IL1RAPL2: variants seen among roughly 807,000 people sequenced by gnomAD.
IL1RAPL2 encodes interleukin 1 receptor accessory protein like 2.
A neutral mutation model predicts 44.1 loss-of-function variants in IL1RAPL2; 3 were observed. The observed-to-expected ratio is 0.07, with a 90% CI of 0.03 to 0.18. IL1RAPL2 has a LOEUF of 0.18. Among genes scored for constraint, IL1RAPL2 ranks in the 10% least tolerant of loss-of-function variants. The pLI is 1.00. For missense variants in IL1RAPL2, 391 were observed against 496.4 expected, an observed-to-expected ratio of 0.79 and a Z score of 2.02; for synonymous variants, 181 against 178.8, an observed-to-expected ratio of 1.01 and a Z score of -0.10.
intron 7 of IL1RAPL2, among the ~76,000 whole-genome samples, chrX:105,739,061 A>G (rs1305381698): frequency 1.8e-5 from 2 of 111,135 alleles, no homozygotes; most frequent in East Asian, 5.8e-4. Context: ...GCCACTAAAA[A>G]TCTTCAATTT....
intron 3 of IL1RAPL2, among the ~76,000 whole-genome samples, chrX:105,227,942 C>T (rs2034033389): frequency 9.0e-6 from 1 of 110,962 alleles, no homozygotes; most frequent in Admixed American, 9.6e-5. Context: ...CTTTTTTCCC[C>T]CTTATCCCCC....
intron 3 of IL1RAPL2, among the ~76,000 whole-genome samples, chrX:105,202,577 A>AT (rs1262631003): frequency 9.0e-6 from 1 of 111,419 alleles, no homozygotes; most frequent in Non-Finnish European, 1.9e-5. Context: ...TTTCTAGCTC[A>AT]TTTTTTTCTA....
intron 3 of IL1RAPL2, among the ~76,000 whole-genome samples, chrX:105,203,326 T>TA (rs1158402951): frequency 9.0e-6 from 1 of 111,429 alleles, no homozygotes; most frequent in African/African-American, 3.3e-5. Flanking sequence ...TTATGCCATC[T>TA]AAAAAAAATC....
intron 6 of IL1RAPL2, among the ~76,000 whole-genome samples, chrX:105,588,336 T>A (rs1199226847): frequency 4.5e-5 from 5 of 111,867 alleles, no homozygotes; most frequent in Non-Finnish European, 7.5e-5. Flanking sequence ...TAAAAAACTT[T>A]AAAAGTTGAT....
intron 2 of IL1RAPL2, among the ~76,000 whole-genome samples, chrX:104,942,077 G>C (rs1384424834): frequency 8.9e-6 from 1 of 111,919 alleles, no homozygotes; most frequent in East Asian, 2.8e-4. Flanking sequence ...TTTGGTACCA[G>C]TACCATGCTG....
At chrX:105,636,988 G>T (rs943299744) in intron 6 of IL1RAPL2, among the ~76,000 whole-genome samples, 1 of 111,173 alleles carries the variant, frequency 9.0e-6, no homozygotes, top group Non-Finnish European at 1.9e-5. Context: ...TCTTAGGTGG[G>T]GGGGAGTATA....
intron 2 of IL1RAPL2, among the ~76,000 whole-genome samples, chrX:105,142,643 T>G (rs538801155): frequency 9.1e-6 from 1 of 110,368 alleles, no homozygotes. Context: ...TTATTATTAT[T>G]ATACTTTAAG....
intron 2 of IL1RAPL2, among the ~76,000 whole-genome samples, chrX:104,842,900 C>T (rs1921948972): frequency 8.9e-6 from 1 of 112,736 alleles, no homozygotes; most frequent in Non-Finnish European, 1.9e-5. Context: ...CAGTCTGTCC[C>T]TTAGCGGAGC....
At chrX:105,376,854 A>G (rs1286472089) in intron 5 of IL1RAPL2, among the ~76,000 whole-genome samples, 1 of 112,217 alleles carries the variant, frequency 8.9e-6, no homozygotes, top group Non-Finnish European at 1.9e-5. Flanking sequence ...TTGATTGTCA[A>G]TCAGTGGACA....
chrX:105,719,063 C>G (rs190421155), intron 7 of IL1RAPL2, among the ~76,000 whole-genome samples: 1 of 111,592 alleles, frequency 9.0e-6, no homozygotes, highest in Non-Finnish European at 1.9e-5. Context: ...CAAAGTAAAT[C>G]AAAACATATA....
chrX:104,667,169 A>C (rs2148026589), intron 2 of IL1RAPL2, among the ~76,000 whole-genome samples: 1 of 111,273 alleles, frequency 9.0e-6, no homozygotes, highest in South Asian at 3.8e-4. Context: ...GCACCCATTA[A>C]ACCCTTAAGA....
chrX:104,857,786 A>T (rs1922400251), intron 2 of IL1RAPL2, among the ~76,000 whole-genome samples: 1 of 110,783 alleles, frequency 9.0e-6, no homozygotes, highest in South Asian at 3.9e-4. Flanking sequence ...TACTCAGATT[A>T]ATCAGCGCTG....
chrX:104,758,898 G>A (rs755599900), intron 2 of IL1RAPL2, among the ~76,000 whole-genome samples: 1 of 111,512 alleles, frequency 9.0e-6, no homozygotes, highest in Non-Finnish European at 1.9e-5. Context: ...GACTCCAAAT[G>A]TCAGACCAGG....
At chrX:105,296,608 G>C (rs1166868063) in intron 5 of IL1RAPL2, among the ~76,000 whole-genome samples, 1 of 112,147 alleles carries the variant, frequency 8.9e-6, no homozygotes, top group African/African-American at 3.2e-5. Context: ...ACATTATATA[G>C]TTCAGCAAAC....
At chrX:104,712,331 A>G (rs773091746) in intron 2 of IL1RAPL2, among the ~76,000 whole-genome samples, 8 of 110,907 alleles carry the variant, frequency 7.2e-5, no homozygotes, top group Admixed American at 4.8e-4. Context: ...ATTGATGGTT[A>G]ATGTATTTTT....
At chrX:105,688,282 G>A (rs932894684) in intron 6 of IL1RAPL2, among the ~76,000 whole-genome samples, 2 of 111,698 alleles carry the variant, frequency 1.8e-5, no homozygotes, top group African/African-American at 6.5e-5. Context: ...AAGTCAAATT[G>A]TCCCTGTTTG....
chrX:104,913,651 T>C (rs1050184009), intron 2 of IL1RAPL2, among the ~76,000 whole-genome samples: 2 of 112,238 alleles, frequency 1.8e-5, no homozygotes, highest in East Asian at 5.6e-4. Flanking sequence ...ATGGACACTC[T>C]ATTTGATGAG....
Position 105,077,935 on chromosome X carries a change from A to C in IL1RAPL2, c.83-117540A>C, listed in dbSNP as rs776817405. The stretch of plus-strand genomic sequence containing the variant: ...TCTGCATTGGTTATTCCAGTTATGC[A>C]TTCATCTAATTTTTTTCGAAGTTTT... On this transcript the variant is annotated intron_variant, in intron 2 of 10. Coordinates refer to ENST00000372582, the MANE Select transcript of IL1RAPL2 (RefSeq NM_017416.2). 6.3e-5 allele frequency among the ~76,000 whole-genome samples: 7 copies of C among 111,324 alleles called. No homozygotes were observed. The East Asian group carries it at 2.0e-3, about 32-fold the overall frequency.
chrX:105,186,273 TAA>T (rs1398839202), intron 2 of IL1RAPL2, among the ~76,000 whole-genome samples: 1 of 109,365 alleles, frequency 9.1e-6, no homozygotes, highest in Non-Finnish European at 1.9e-5. Flanking sequence ...AGATGAAGAG[TAA>T]AAAGAAAGAA....
Sources: gnomAD v4.1 joint callset for allele counts (sites outside exome capture counted in the v4.1 genomes callset) on GRCh38, gnomAD v4.1.1 for gene constraint, MANE v1.5 for transcripts, NCBI Gene and HGNC (gene_info 2026-07-23, HGNC 2026-07-21) for gene names.